GABBR2: variants seen among roughly 807,000 people sequenced by gnomAD.
GABBR2 encodes the protein G-protein coupled receptor 51.
In GABBR2, 23 loss-of-function variants were observed where a neutral mutation model predicts 105.6. That is an observed-to-expected ratio of 0.22 (90% CI 0.16 to 0.31). GABBR2 has a LOEUF of 0.31. Ranked by LOEUF, GABBR2 falls within the 10% of genes least tolerant of loss-of-function variation. GABBR2 has a pLI of 1.00. For missense variants in GABBR2, 734 were observed against 1,245.5 expected, an observed-to-expected ratio of 0.59 and a Z score of 6.18; for synonymous variants, 478 against 499.7, an observed-to-expected ratio of 0.96 and a Z score of 0.58.
chr9:98,333,101 G>A (rs567972402), intron 13 of GABBR2, among the ~76,000 whole-genome samples: 17 of 152,248 alleles, frequency 1.1e-4, no homozygotes, highest in African/African-American at 3.1e-4. Flanking sequence ...GCTGGCTTCC[G>A]TGGGCTCTGC....
intron 7 of GABBR2, among the ~76,000 whole-genome samples, chr9:98,442,705 A>T (rs943778069): frequency 9.9e-5 from 15 of 152,206 alleles, no homozygotes; most frequent in Non-Finnish European, 2.9e-5. Context: ...TGTGGAGGCT[A>T]GAAGTCTGAG....
rs148541597 is a variant in GABBR2 at position 98,576,366 on chromosome 9, T to C, written c.459+1569A>G. Among the ~76,000 whole-genome samples, 212 of 152,330 alleles carry C rather than the reference T, an allele frequency of 1.4e-3. 1 individual carries two copies. The highest frequency in any genetic ancestry group is 3.4e-3 in the Middle Eastern group (1 of 294). On this transcript the variant is annotated intron_variant, in intron 2 of 18. Coordinates refer to ENST00000259455, the MANE Select transcript of GABBR2 (RefSeq NM_005458.8). ...CCGTTTACTATTCCATTCACTGACA[T>C]GGAATGCGCTTCACCCAGTGGTCTC...
intron 13 of GABBR2, among the ~76,000 whole-genome samples, chr9:98,353,033 G>A (rs959560860): frequency 2.0e-5 from 3 of 152,090 alleles, no homozygotes; most frequent in African/African-American, 7.2e-5. Flanking sequence ...GACCCAGAGT[G>A]AAATCCTCTG....
intron 3 of GABBR2, among the ~76,000 whole-genome samples, chr9:98,496,744 G>C (rs1022645608): frequency 6.6e-6 from 1 of 152,144 alleles, no homozygotes; most frequent in African/African-American, 2.4e-5. Context: ...GACAGGGAAG[G>C]GACTTTCCAA....
At chr9:98,368,460 C>T (rs752387337) in intron 12 of GABBR2, among the ~76,000 whole-genome samples, 8 of 152,096 alleles carry the variant, frequency 5.3e-5, no homozygotes, top group South Asian at 2.1e-4. Context: ...TGGCGGGGAC[C>T]GAGTTTCCCC....
intron 1 of GABBR2, among the ~76,000 whole-genome samples, chr9:98,657,263 C>G (rs1239119865): frequency 2.0e-5 from 3 of 152,156 alleles, no homozygotes; most frequent in Non-Finnish European, 2.9e-5. Context: ...TGTTGTTTTT[C>G]TTATGGTAAA....
At chr9:98,356,033 C>T (rs1328110502) in intron 13 of GABBR2, among the ~76,000 whole-genome samples, 1 of 152,150 alleles carries the variant, frequency 6.6e-6, no homozygotes, top group Non-Finnish European at 1.5e-5. Context: ...ATAGACCTTA[C>T]ACCTTTCACA....
intron 3 of GABBR2, among the ~76,000 whole-genome samples, chr9:98,506,572 G>A (rs1023641007): frequency 1.3e-5 from 2 of 152,234 alleles, no homozygotes; most frequent in African/African-American, 2.4e-5. Flanking sequence ...AGTCCCAGGG[G>A]CAGCGCTAGC....
intron 3 of GABBR2, among the ~76,000 whole-genome samples, chr9:98,506,861 C>T (rs1413181285): frequency 6.6e-6 from 1 of 152,158 alleles, no homozygotes; most frequent in South Asian, 2.1e-4. Flanking sequence ...GCTACAGGCC[C>T]TCACACCCAA....
At chr9:98,613,601 TC>T (rs1829539614) in intron 1 of GABBR2, among the ~76,000 whole-genome samples, 1 of 152,044 alleles carries the variant, frequency 6.6e-6, no homozygotes, top group Non-Finnish European at 1.5e-5. Context: ...TTCTAAGGAG[TC>T]AATAACTGGA....
At chr9:98,588,050 T>TA (rs941754436) in intron 1 of GABBR2, among the ~76,000 whole-genome samples, 8 of 151,992 alleles carry the variant, frequency 5.3e-5, no homozygotes, top group South Asian at 2.1e-4. Flanking sequence ...TTTACTTAAA[T>TA]AAAAAAAATA....
chr9:98,394,920 A>G (rs1832260317), intron 8 of GABBR2, among the ~76,000 whole-genome samples: 1 of 152,176 alleles, frequency 6.6e-6, no homozygotes, highest in Non-Finnish European at 1.5e-5. Context: ...TTGAATTTGC[A>G]TCTTTCAGAA....
chr9:98,701,188 A>G (rs763825273), intron 1 of GABBR2, among the ~76,000 whole-genome samples: 1 of 152,236 alleles, frequency 6.6e-6, no homozygotes, highest in Non-Finnish European at 1.5e-5. Context: ...TCAAATACAC[A>G]AAGAAGGTCC....
intron 1 of GABBR2, among the ~76,000 whole-genome samples, chr9:98,668,553 G>A (rs894567892): frequency 6.6e-6 from 1 of 151,732 alleles, no homozygotes; most frequent in African/African-American, 2.4e-5. Flanking sequence ...ATTTTGAAAT[G>A]TACAGTTCAG....
At chr9:98,402,601 G>A (rs1436639187) in intron 8 of GABBR2, among the ~76,000 whole-genome samples, 1 of 152,164 alleles carries the variant, frequency 6.6e-6, no homozygotes, top group African/African-American at 2.4e-5. Context: ...GGGGAAGTGA[G>A]GCAGGGAAGG....
intron 1 of GABBR2, among the ~76,000 whole-genome samples, chr9:98,625,601 C>G (rs966047457): frequency 2.6e-5 from 4 of 152,126 alleles, no homozygotes; most frequent in African/African-American, 9.7e-5. Context: ...AACAGGGTGA[C>G]CGTCCCCTAC....
intron 1 of GABBR2, among the ~76,000 whole-genome samples, chr9:98,668,206 G>A (rs1034411057): frequency 6.6e-6 from 1 of 151,152 alleles, no homozygotes; most frequent in African/African-American, 2.4e-5. Context: ...ACTTTTGCAG[G>A]CAATTCTCCA....
chr9:98,676,179 G>T (rs917599094), intron 1 of GABBR2, among the ~76,000 whole-genome samples: 2 of 152,222 alleles, frequency 1.3e-5, no homozygotes, highest in African/African-American at 4.8e-5. Context: ...TGTGACAACA[G>T]AATCAAGAAG....
intron 1 of GABBR2, among the ~76,000 whole-genome samples, chr9:98,699,009 A>G (rs747681824): frequency 6.6e-6 from 1 of 152,188 alleles, no homozygotes; most frequent in Admixed American, 6.5e-5. Context: ...CACTATGCCC[A>G]GATCTGCACT....
Sources: gnomAD v4.1 joint callset for allele counts (sites outside exome capture counted in the v4.1 genomes callset) on GRCh38, gnomAD v4.1.1 for gene constraint, MANE v1.5 for transcripts, NCBI Gene and HGNC (gene_info 2026-07-23, HGNC 2026-07-21) for gene names.